TMEM151A: variants seen among roughly 807,000 people sequenced by gnomAD.
TMEM151A encodes the protein transmembrane protein 151.
A neutral mutation model predicts 33.7 loss-of-function variants in TMEM151A; 21 were observed. The ratio of observed to expected loss-of-function variants is 0.62; its 90% CI spans 0.44 to 0.90. The LOEUF (loss-of-function observed/expected upper bound fraction) is 0.90. Ranked by LOEUF, TMEM151A falls within the 40% of genes least tolerant of loss-of-function variation. TMEM151A has a pLI of 0.00. For missense variants in TMEM151A, 704 were observed against 697.7 expected, an observed-to-expected ratio of 1.01 and a Z score of -0.10; for synonymous variants, 374 against 330.3, an observed-to-expected ratio of 1.13 and a Z score of -1.43.
In TMEM151A at chr11:66,294,777, G is replaced by A. The variant is rs1425849483; in HGVS notation, c.531G>A (p.Thr177=). ...RYRNGDAYTT[T]QVYHERADSR... Reference sequence around the variant, plus strand: ...GCAACGGCGACGCCTACACCACCACGCAGGTGTACCATGAGCGCGCTGACA... The same window carrying A: ...GCAACGGCGACGCCTACACCACCACACAGGTGTACCATGAGCGCGCTGACA... Residue 177 remains threonine, a synonymous_variant, in exon 2 of 2, where the codon ACG becomes ACA. Transcript: ENST00000327259. 2 of 1,546,038 alleles carry A rather than the reference G, an allele frequency of 1.3e-6. No individual in the cohort carries two copies. The highest frequency in any genetic ancestry group is 1.7e-6 in the Non-Finnish European group (2 of 1,147,008).
intron 1 of TMEM151A, among the ~76,000 whole-genome samples, chr11:66,293,579 C>T (rs1017446101): frequency 6.6e-6 from 1 of 152,086 alleles, no homozygotes; most frequent in African/African-American, 2.4e-5. Context: ...AAGACTCGCA[C>T]CTCCCCCGTT....
rs773149475 is a variant in TMEM151A at position 66,295,345 on chromosome 11, G to A, written c.1099G>A (p.Gly367Ser). 4.2e-5 allele frequency: 67 copies of A among 1,584,708 alleles called. No individual in the cohort carries two copies. The highest frequency in any genetic ancestry group is 6.9e-6 in the Non-Finnish European group (8 of 1,167,378). Residue 367 changes from glycine to serine, a missense_variant, in exon 2 of 2, where the codon GGC becomes AGC. Gly to Ser is a moderately conservative substitution (Grantham distance 56, BLOSUM62 0). Coordinates refer to ENST00000327259, the MANE Select transcript of TMEM151A (RefSeq NM_153266.4). ...CAGCTACTCGGAGGCCGTGGTCATG[G>A]GCGCGGGCTCGGGCGCCTACCTCAG... Reference protein sequence around the residue: ...VPSYSEAVVMGAGSGAYLRGC... With the variant: ...VPSYSEAVVMSAGSGAYLRGC...
chr11:66,292,288 C>A lies in TMEM151A; in HGVS notation c.75+200C>A, dbSNP rs1024233613. Among the ~76,000 whole-genome samples, 1 of 151,962 alleles carries A rather than the reference C, an allele frequency of 6.6e-6. No individual in the cohort carries two copies. The highest frequency in any genetic ancestry group is 1.5e-5 in the Non-Finnish European group (1 of 67,932). The stretch of plus-strand genomic sequence containing the variant: ...GGTGGGGCGGCTGGACAGCAATATG[C>A]GGGGCGACTTCCGCCCCCGGCGTCC... On this transcript the variant is annotated intron_variant, in intron 1 of 1. Coordinates refer to ENST00000327259, the MANE Select transcript of TMEM151A (RefSeq NM_153266.4). The surrounding 1 kb of genome is among the most constrained non-coding windows in gnomAD (Gnocchi z 4.7).
At position 66,295,519 on chromosome 11, in the gene TMEM151A, G is replaced by A. The variant is rs551319186; in HGVS notation, c.1273G>A (p.Gly425Arg). ...TPGVFRSLSG[G>R]PLGRRGEDTE... ...AGGGGTCTTCCGCAGCCTGAGCGGG[G>A]GGCCGCTGGGGCGCCGTGGAGAGGA... The change falls in exon 2 of 2, where the codon GGG becomes AGG. Residue 425 changes from glycine to arginine, a missense_variant. By Grantham distance (125) the Gly-to-Arg change is moderately radical. This residue lies in a region of TMEM151A where 398 missense variants were observed against 356.0 expected (regional missense o/e 1.12). Coordinates refer to ENST00000327259, the MANE Select transcript of TMEM151A (RefSeq NM_153266.4). 45 of 1,397,464 alleles carry A rather than the reference G, an allele frequency of 3.2e-5. No homozygotes were observed. The South Asian group carries it at 7.0e-4, about 22-fold the overall frequency. The allele number at this position is 1,397,464 out of a possible 1,614,324, so 86.6% of individuals were successfully genotyped here. A position where few individuals can be genotyped will look rare whatever the true frequency, so the allele number is the denominator to read the frequency against.
rs138823111 is a variant in TMEM151A, at chr11:66,292,099, T to TGG, written c.75+17_75+18dup. ...CCGCTGCGGGAAGAGGTACCGGCGCTGGGGGGGCCGGAGCCGGGCCTGGGG... is the reference window on the plus strand; with the variant it reads ...CCGCTGCGGGAAGAGGTACCGGCGCTGGGGGGGGGCCGGAGCCGGGCCTGGGG... On this transcript the variant is annotated intron_variant, in intron 1 of 1. Coordinates refer to ENST00000327259, the MANE Select transcript of TMEM151A (RefSeq NM_153266.4). The surrounding 1 kb of genome is among the most constrained non-coding windows in gnomAD (Gnocchi z 4.7). 6 of 1,448,544 alleles carry TGG rather than the reference T, an allele frequency of 4.1e-6. No individual in the cohort carries two copies. The African/African-American group carries it at 6.0e-5, about 14-fold the overall frequency. 89.7% of individuals were successfully genotyped at this position (1,448,544 alleles called of 1,614,324 possible).
chr11:66,291,928 C>T lies in TMEM151A; in HGVS notation c.-86C>T, dbSNP rs1857458987. ...CCGCGGCCGCTGAGCCGAGCGGACG[C>T]CCCCGGGGGCCGCGTCGCAGCCCTC... is the stretch of plus-strand genomic sequence containing the variant. On this transcript the variant is annotated 5_prime_UTR_variant, in exon 1 of 2. Coordinates refer to ENST00000327259, the MANE Select transcript of TMEM151A (RefSeq NM_153266.4). 4 of 1,091,676 alleles carry T rather than the reference C, an allele frequency of 3.7e-6. No homozygotes were observed. Among genetic ancestry groups the T allele is most frequent in the Non-Finnish European group, 4.9e-6 (4 of 814,726 alleles). 67.6% of individuals were successfully genotyped at this position (1,091,676 alleles called of 1,614,324 possible).
chr11:66,294,640 G>T lies in TMEM151A; in HGVS notation c.394G>T (p.Ala132Ser). 1 of 1,609,034 alleles carries T rather than the reference G, an allele frequency of 6.2e-7. No homozygotes were observed. Among genetic ancestry groups the T allele is most frequent in the Non-Finnish European group, 8.5e-7 (1 of 1,178,152 alleles). The part of the protein sequence containing the change: ...VRSCQAPRTD[A>S]HTVLALIRRL... ...GTCCTGCCAGGCGCCACGCACCGAC[G>T]CCCACACGGTGCTGGCGCTGATCCG... The change falls in exon 2 of 2, where the codon GCC (alanine) becomes TCC (serine). Residue 132 changes from alanine to serine, a missense_variant. This residue lies in a region of TMEM151A where 301 missense variants were observed against 323.4 expected (regional missense o/e 0.93). Coordinates refer to ENST00000327259, the MANE Select transcript of TMEM151A (RefSeq NM_153266.4).
Position 66,295,530 on chromosome 11 carries a change from G to T in TMEM151A, c.1284G>T (p.Gly428=). The part of the protein sequence containing the change: ...VFRSLSGGPL[G]RRGEDTEPLE... ...GCAGCCTGAGCGGGGGGCCGCTGGG[G>T]CGCCGTGGAGAGGACACGGAACCCC... Residue 428 remains glycine (G), a synonymous_variant, in exon 2 of 2, where the codon GGG becomes GGT. Coordinates refer to ENST00000327259, the MANE Select transcript of TMEM151A (RefSeq NM_153266.4). 5 of 1,409,080 alleles carry T rather than the reference G, an allele frequency of 3.5e-6. No individual in the cohort carries two copies. The highest frequency in any genetic ancestry group is 4.6e-6 in the Non-Finnish European group (5 of 1,080,710). 87.3% of individuals were successfully genotyped at this position (1,409,080 alleles called of 1,614,324 possible).
At position 66,292,106 on chromosome 11, in the gene TMEM151A, G is replaced by A. The variant is rs941460026; in HGVS notation, c.75+18G>A. On this transcript the variant is annotated intron_variant, in intron 1 of 1. Coordinates refer to ENST00000327259, the MANE Select transcript of TMEM151A (RefSeq NM_153266.4). The surrounding 1 kb of genome is among the most constrained non-coding windows in gnomAD (Gnocchi z 4.7). ...GGGAAGAGGTACCGGCGCTGGGGGG[G>A]CCGGAGCCGGGCCTGGGGCGGCGTG... 4.9e-6 allele frequency: 7 copies of A among 1,431,752 alleles called. No homozygotes were observed. The highest frequency in any genetic ancestry group is 2.9e-5 in the East Asian group (1 of 34,218). The allele number at this position is 1,431,752 out of a possible 1,614,324, so 88.7% of individuals were successfully genotyped here. A position where few individuals can be genotyped will look rare whatever the true frequency, so the allele number is the denominator to read the frequency against.
chr11:66,292,183 C>A lies in TMEM151A; in HGVS notation c.75+95C>A. ...CAAGAGAGGGGCTGAGGAGGGAAGT[C>A]CCAGAGCCCCTACGGCCAATGACGT... On this transcript the variant is annotated intron_variant, in intron 1 of 1. Transcript: ENST00000327259. This position sits in a 1 kb window ranked among gnomAD's most constrained non-coding sequence, Gnocchi z 4.7. 1 of 1,096,232 alleles carries A rather than the reference C, an allele frequency of 9.1e-7. No individual in the cohort carries two copies. Among genetic ancestry groups the A allele is most frequent in the Non-Finnish European group, 1.2e-6 (1 of 827,382 alleles). 67.9% of individuals were successfully genotyped at this position (1,096,232 alleles called of 1,614,324 possible).
chr11:66,295,665 G>GC lies in TMEM151A; in HGVS notation c.*17dup. 1 of 1,479,500 alleles carries GC rather than the reference G, an allele frequency of 6.8e-7. No homozygotes were observed. 91.6% of individuals were successfully genotyped at this position (1,479,500 alleles called of 1,614,324 possible). On this transcript the variant is annotated 3_prime_UTR_variant, in exon 2 of 2. Coordinates refer to ENST00000327259, the MANE Select transcript of TMEM151A (RefSeq NM_153266.4). Reference sequence around the variant, plus strand: ...AGGGTGCTCTCTGAGACCCCCCACGGCCCCCAGAGTGGCCCCCTCCCCACC... The same window carrying GC: ...AGGGTGCTCTCTGAGACCCCCCACGGCCCCCCAGAGTGGCCCCCTCCCCACC...
chr11:66,295,015 G>T lies in TMEM151A; in HGVS notation c.769G>T (p.Glu257Ter). 1 of 1,597,482 alleles carries T rather than the reference G, an allele frequency of 6.3e-7. No individual in the cohort carries two copies. Reference sequence around the variant, plus strand: ...CCTGGACGACTATCTGGAGGCGCGCGAGGGCATGCACCTGAAGGACGTAGA... The same window carrying T: ...CCTGGACGACTATCTGGAGGCGCGCTAGGGCATGCACCTGAAGGACGTAGA... ...EGLDDYLEAR[E>*]GMHLKDVDFR... The change falls in exon 2 of 2, where the codon GAG (glutamate) becomes TAG (stop). Residue 257 changes from glutamate (E) to a stop codon, truncating the protein, a stop_gained. Transcript: ENST00000327259. LOFTEE classifies it high-confidence loss of function.
At position 66,292,463 on chromosome 11, in the gene TMEM151A, C is replaced by T. The variant is rs140761126; in HGVS notation, c.75+375C>T. The stretch of plus-strand genomic sequence containing the variant: ...AGCCGCTCACGAGGTGTCCGGGCAG[C>T]GCCTGCAATGCAGCAGCAGTCGCAG... On this transcript the variant is annotated intron_variant, in intron 1 of 1. Coordinates refer to ENST00000327259, the MANE Select transcript of TMEM151A (RefSeq NM_153266.4). The surrounding 1 kb of genome is among the most constrained non-coding windows in gnomAD (Gnocchi z 4.7). Among the ~76,000 whole-genome samples the T allele has an allele frequency of 8.7e-4, 133 of 152,262 alleles. No homozygotes were observed. Among genetic ancestry groups the T allele is most frequent in the African/African-American group, 2.9e-3 (122 of 41,554 alleles).
At position 66,295,253 on chromosome 11, in the gene TMEM151A, C is replaced by A; in HGVS notation, c.1007C>A (p.Ser336Tyr). 6.4e-7 allele frequency: 1 copy of A among 1,560,994 alleles called. No homozygotes were observed. Among genetic ancestry groups the A allele is most frequent in the East Asian group, 2.4e-5 (1 of 42,080 alleles). Residue 336 changes from serine (S) to tyrosine (Y), a missense_variant, in exon 2 of 2, where the codon TCC becomes TAC. By Grantham distance (144) the Ser-to-Tyr change is moderately radical (BLOSUM62 -2). Coordinates refer to ENST00000327259, the MANE Select transcript of TMEM151A (RefSeq NM_153266.4). The part of the protein sequence containing the change: ...PGAVPSGPPL[S>Y]RVATVDFTEL... Reference sequence around the variant, plus strand: ...GCCGTGCCCAGCGGGCCCCCGCTGTCCCGCGTGGCCACAGTGGACTTCACT... The same window carrying A: ...GCCGTGCCCAGCGGGCCCCCGCTGTACCGCGTGGCCACAGTGGACTTCACT...
rs1857465285 is a variant in TMEM151A, at chr11:66,292,400, AC to A, written c.75+317del. Among the ~76,000 whole-genome samples the A allele has an allele frequency of 6.6e-6, 1 of 151,672 alleles. No individual in the cohort carries two copies. The highest frequency in any genetic ancestry group is 2.4e-5 in the African/African-American group (1 of 41,250). On this transcript the variant is annotated intron_variant, in intron 1 of 1. Coordinates refer to ENST00000327259, the MANE Select transcript of TMEM151A (RefSeq NM_153266.4). The surrounding 1 kb of genome is among the most constrained non-coding windows in gnomAD (Gnocchi z 4.7). ...CAGCGCAGCGGGGGATGCTGCCCCC[AC>A]CCCCAGGGCCGCGGGGTCAGGTCCC... is the stretch of plus-strand genomic sequence containing the variant.
chr11:66,294,425 C>T lies in TMEM151A; in HGVS notation c.179C>T (p.Ala60Val). The T allele has an allele frequency of 6.2e-7, 1 of 1,611,228 alleles. No individual in the cohort carries two copies. Among genetic ancestry groups the T allele is most frequent in the Non-Finnish European group, 8.5e-7 (1 of 1,179,430 alleles). The change falls in exon 2 of 2, where the codon GCC becomes GTC. Residue 60 changes from alanine (A) to valine (V), a missense_variant. Physicochemically the swap from Ala to Val is moderately conservative, Grantham distance 64 (BLOSUM62 0). Around this residue, in one of 3 missense-constraint regions of TMEM151A, gnomAD observed 301 missense variants for 323.4 expected, o/e 0.93. Transcript: ENST00000327259. ...ATCCACGCCTGCGGGGCCGTGGTGG[C>T]CTGGTGTCGCCTGGCCACAGTGCCG... ...LLIHACGAVV[A>V]WCRLATVPRL...
chr11:66,294,369 G>A lies in TMEM151A; in HGVS notation c.123G>A (p.Ser41=), dbSNP rs750929928. 2 of 1,610,958 alleles carry A rather than the reference G, an allele frequency of 1.2e-6. No homozygotes were observed. Among genetic ancestry groups the A allele is most frequent in the Non-Finnish European group, 8.5e-7 (1 of 1,179,918 alleles). Residue 41 remains serine (S), a synonymous_variant, in exon 2 of 2, where the codon TCG becomes TCA. Transcript: ENST00000327259. ...QSLGSSLCRE[S]HWKCLLLTLL... ...TGGGAAGCTCCCTGTGCCGCGAGTC[G>A]CACTGGAAGTGCCTGCTCCTCACGC...
rs1244078429 is a variant in TMEM151A at position 66,294,854 on chromosome 11, T to G, written c.608T>G (p.Val203Gly). 1 of 1,537,818 alleles carries G rather than the reference T, an allele frequency of 6.5e-7. No individual in the cohort carries two copies. The highest frequency in any genetic ancestry group is 1.4e-5 in the African/African-American group (1 of 72,990). ...TACTCGGCGCACGGCGTCCGCGACGTCTCCAAGGAGCTGGTGGGGCTGGCG... is the reference window on the plus strand; with the variant it reads ...TACTCGGCGCACGGCGTCCGCGACGGCTCCAAGGAGCTGGTGGGGCTGGCG... Reference protein sequence around the residue: ...FDYSAHGVRDVSKELVGLAEH... With the variant: ...FDYSAHGVRDGSKELVGLAEH... Residue 203 changes from valine (V) to glycine (G), a missense_variant, in exon 2 of 2, where the codon GTC becomes GGC. This residue lies in a region of TMEM151A where 301 missense variants were observed against 323.4 expected (regional missense o/e 0.93). Coordinates refer to ENST00000327259, the MANE Select transcript of TMEM151A (RefSeq NM_153266.4).
In TMEM151A at chr11:66,292,817, C is replaced by T. The variant is rs768242580; in HGVS notation, c.75+729C>T. Among the ~76,000 whole-genome samples the T allele has an allele frequency of 2.0e-5, 3 of 147,766 alleles. No homozygotes were observed. The highest frequency in any genetic ancestry group is 2.0e-4 in the East Asian group (1 of 5,046). On this transcript the variant is annotated intron_variant, in intron 1 of 1. Coordinates refer to ENST00000327259, the MANE Select transcript of TMEM151A (RefSeq NM_153266.4). The surrounding 1 kb of genome is among the most constrained non-coding windows in gnomAD (Gnocchi z 4.7). ...GTTGTCACCCAGTGGTCTAGGTGTG[C>T]GCATGTGAGTGAGTCCCTTTGTGGG...
Sources: gnomAD v4.1 joint callset for allele counts (sites outside exome capture counted in the v4.1 genomes callset) on GRCh38, gnomAD v4.1.1 for gene constraint, gnomAD v4.1.1 regional missense constraint, Gnocchi (gnomAD v3.1) non-coding constraint, MANE v1.5 for transcripts, NCBI Gene and HGNC (gene_info 2026-07-23, HGNC 2026-07-21) for gene names.